Variants in HK2 observed in about 807,000 individuals in gnomAD.
The protein encoded by HK2 is hexokinase-2.
HK2 carries 42 observed loss-of-function variants against 92.9 expected under a neutral mutation model. That is an observed-to-expected ratio of 0.45 (90% confidence interval 0.35 to 0.58). The LOEUF (loss-of-function observed/expected upper bound fraction) is 0.58, where lower values mean the gene tolerates loss of function less well. Among genes scored for constraint, HK2 ranks in the 20% least tolerant of loss-of-function variants. HK2 has a pLI of 0.00. For synonymous variants in HK2, 422 were observed against 468.0 expected, an observed-to-expected ratio of 0.90 and a Z score of 1.27; for missense variants, 978 against 1,245.1, an observed-to-expected ratio of 0.79 and a Z score of 3.23.
At chr2:74,837,896 G>A (rs1206374297) in intron 1 of HK2, among the ~76,000 whole-genome samples, 2 of 151,800 alleles carry the variant, frequency 1.3e-5, no homozygotes, top group Non-Finnish European at 2.9e-5. Flanking sequence ...GGATGGTCTC[G>A]ATCTCCTTAC....
At chr2:74,850,175 G>C (rs1253813963) in intron 1 of HK2, among the ~76,000 whole-genome samples, 4 of 152,218 alleles carry the variant, frequency 2.6e-5, no homozygotes, top group Non-Finnish European at 4.4e-5. Context: ...GAGAGGGGAA[G>C]GTGTTTGAGC....
intron 1 of HK2, 63 bp from the exon 2 acceptor site, chr2:74,854,230 C>T (rs915309601): frequency 3.7e-5 from 55 of 1,476,296 alleles, no homozygotes; most frequent in Non-Finnish European, 4.7e-5. Flanking sequence ...TGTTCCATGA[C>T]GTACACCTAT....
At chr2:74,853,610 C>T (rs1688623192) in intron 1 of HK2, among the ~76,000 whole-genome samples, 1 of 151,630 alleles carries the variant, frequency 6.6e-6, no homozygotes, top group Non-Finnish European at 1.5e-5. Context: ...CCCAGCTGCT[C>T]AGGAGGCTGA....
chr2:74,885,061 G>A (rs1246344588), intron 12 of HK2, among the ~76,000 whole-genome samples: 1 of 152,190 alleles, frequency 6.6e-6, no homozygotes, highest in African/African-American at 2.4e-5. Context: ...CCCAGTGAGC[G>A]AACCAAGCAC....
At chr2:74,845,375 G>T (rs1273344536) in intron 1 of HK2, among the ~76,000 whole-genome samples, 2 of 152,210 alleles carry the variant, frequency 1.3e-5, no homozygotes, top group African/African-American at 4.8e-5. Context: ...ATGCATCTGG[G>T]ACATAATCCC....
At chr2:74,852,292 A>G (rs4853064) in intron 1 of HK2, among the ~76,000 whole-genome samples, 56,659 of 152,074 alleles carry the variant, frequency 0.37, 13,093 homozygotes, top group African/African-American at 0.64. Flanking sequence ...TGAAAGTTGT[A>G]ATGTAGCATT....
At chr2:74,874,065 C>A in intron 6 of HK2, 122 bp downstream of exon 6, 1 of 972,532 alleles carries the variant, frequency 1.0e-6, no homozygotes, top group East Asian at 2.6e-5. Flanking sequence ...GATAATGGTC[C>A]AGTCACTTTG....
At chr2:74,878,154 C>T (rs1689278951) in intron 8 of HK2, among the ~76,000 whole-genome samples, 1 of 152,168 alleles carries the variant, frequency 6.6e-6, no homozygotes, top group African/African-American at 2.4e-5. Context: ...TCTTTAGACA[C>T]AAGCTAAAGC....
intron 15 of HK2, among the ~76,000 whole-genome samples, 162 bp from the exon 16 acceptor site, chr2:74,887,741 G>A (rs993457518): frequency 6.6e-6 from 1 of 152,128 alleles, no homozygotes; most frequent in African/African-American, 2.4e-5. Flanking sequence ...AAAGACACCA[G>A]GGATCCTGCC....
rs142633777 is a variant in HK2 at position 74,889,252 on chromosome 2, C to T, written c.2383C>T (p.Leu795=). 50 of 1,613,558 alleles carry T rather than the reference C, an allele frequency of 3.1e-5. No individual in the cohort carries two copies. The highest frequency in any genetic ancestry group is 4.0e-5 in the Non-Finnish European group (47 of 1,179,766). The change falls in exon 17 of 18, where the codon CTG becomes TTG. Residue 795 remains leucine, a synonymous_variant. Transcript: ENST00000290573. ...GTCTCCCTCCCACCCCAGTGACTGC[C>T]TGGCCCTGCTGCAAGTCCGAGCCAT... The part of the protein sequence containing the change: ...KFLSQIESDC[L]ALLQVRAILQ...
rs909065481 is a variant in HK2, at chr2:74,893,061, G to A, written c.*2120G>A. On this transcript the variant is annotated 3_prime_UTR_variant, in exon 18 of 18. Transcript: ENST00000290573. Reference sequence around the variant, plus strand: ...TTTTTTTTTTTTTAAAGGTAGAGATGTGTGTGTGTGTAGGTATTAAAGATG... The same window carrying A: ...TTTTTTTTTTTTTAAAGGTAGAGATATGTGTGTGTGTAGGTATTAAAGATG... 1.4e-5 allele frequency: 2 copies of A among 146,954 alleles called. No homozygotes were observed. The highest frequency in any genetic ancestry group is 6.7e-5 in the Admixed American group (1 of 14,862). The allele number at this position is 146,954 out of a possible 1,614,324, so 9.1% of individuals were successfully genotyped here.
chr2:74,850,158 C>T (rs1245536222), intron 1 of HK2, among the ~76,000 whole-genome samples: 1 of 152,178 alleles, frequency 6.6e-6, no homozygotes, highest in Non-Finnish European at 1.5e-5. Flanking sequence ...TTGGAAACCT[C>T]CCAGAGGAGA....
chr2:74,880,697 A>G lies in HK2; in HGVS notation c.1570+128A>G, dbSNP rs1304911218. Reference sequence around the variant, plus strand: ...AACACGTTTCTTCAGCCGTATTACTAGGGAGTTCTAGTCTTTGATAAACTC... The same window carrying G: ...AACACGTTTCTTCAGCCGTATTACTGGGGAGTTCTAGTCTTTGATAAACTC... On this transcript the variant is annotated intron_variant, in intron 10 of 17. Transcript: ENST00000290573. 5.4e-6 allele frequency: 5 copies of G among 925,644 alleles called. No individual in the cohort carries two copies. In the East Asian group the frequency reaches 1.3e-4, roughly 25 times the overall value. The allele number at this position is 925,644 out of a possible 1,614,324, so 57.3% of individuals were successfully genotyped here. A position where few individuals can be genotyped will look rare whatever the true frequency, so the allele number is the denominator to read the frequency against.
intron 1 of HK2, among the ~76,000 whole-genome samples, chr2:74,852,295 G>A (rs1024032943): frequency 3.0e-4 from 46 of 152,336 alleles, no homozygotes; most frequent in Middle Eastern, 3.4e-3. Flanking sequence ...AAGTTGTAAT[G>A]TAGCATTCCT....
intron 2 of HK2, among the ~76,000 whole-genome samples, chr2:74,857,880 G>T (rs951593701): frequency 6.6e-6 from 1 of 152,154 alleles, no homozygotes; most frequent in Non-Finnish European, 1.5e-5. Context: ...CCATGTGGTC[G>T]CACACAGCCT....
chr2:74,843,411 C>T (rs1487267218), intron 1 of HK2, among the ~76,000 whole-genome samples: 1 of 152,152 alleles, frequency 6.6e-6, no homozygotes, highest in African/African-American at 2.4e-5. Flanking sequence ...GAGTCTTGGC[C>T]CTGTTCCTGT....
chr2:74,841,755 G>A (rs1688320993), intron 1 of HK2, among the ~76,000 whole-genome samples: 1 of 152,256 alleles, frequency 6.6e-6, no homozygotes, highest in African/African-American at 2.4e-5. Flanking sequence ...GCTCCAGAAA[G>A]CCAGCAAGAG....
intron 2 of HK2, among the ~76,000 whole-genome samples, chr2:74,863,121 C>T (rs1688868722): frequency 6.6e-6 from 1 of 152,134 alleles, no homozygotes; most frequent in Non-Finnish European, 1.5e-5. Context: ...GTGACTGGCA[C>T]GTATTTTGAG....
intron 1 of HK2, among the ~76,000 whole-genome samples, chr2:74,839,969 T>G (rs2103830722): frequency 7.0e-6 from 1 of 141,890 alleles, no homozygotes; most frequent in East Asian, 2.0e-4. Context: ...TTTTTTTTTT[T>G]TTTTGAGATG....
Sources: gnomAD v4.1 joint callset for allele counts (sites outside exome capture counted in the v4.1 genomes callset) on GRCh38, gnomAD v4.1.1 for gene constraint, MANE v1.5 for transcripts, NCBI Gene and HGNC (gene_info 2026-07-23, HGNC 2026-07-21) for gene names.